The following PKD2 variants were observed in gnomAD, a reference collection of about 807,000 sequenced individuals.
PKD2 encodes polycystin 2, transient receptor potential cation channel, also known as polycystin-2.
A neutral mutation model predicts 105.9 loss-of-function variants in PKD2; 48 were observed. The ratio of observed to expected loss-of-function variants is 0.45; its 90% CI spans 0.36 to 0.58. The LOEUF (loss-of-function observed/expected upper bound fraction) is 0.58. PKD2 is among the 20% of genes least tolerant of loss of function. PKD2 has a pLI of 0.00. For synonymous variants in PKD2, 464 were observed against 481.1 expected, an observed-to-expected ratio of 0.96 and a Z score of 0.46; for missense variants, 1,078 against 1,255.3, an observed-to-expected ratio of 0.86 and a Z score of 2.13.
intron 2 of PKD2, among the ~76,000 whole-genome samples, chr4:88,026,824 T>C (rs1726975237): frequency 6.6e-6 from 1 of 152,180 alleles, no homozygotes; most frequent in African/African-American, 2.4e-5. Flanking sequence ...CCACTCCAGC[T>C]CCAGCTGTGG....
At chr4:88,070,601 T>TAG (rs1223785807) in intron 13 of PKD2, among the ~76,000 whole-genome samples, 1,005 of 91,426 alleles carry the variant, frequency 0.011, 9 homozygotes, top group East Asian at 0.045. Context: ...TATATATATA[T>TAG]AGAGAGAGAG....
chr4:88,057,561 G>A (rs887553569), intron 8 of PKD2, among the ~76,000 whole-genome samples: 3 of 150,520 alleles, frequency 2.0e-5, no homozygotes, highest in South Asian at 2.1e-4. Context: ...TCAGCCTCCC[G>A]AATAGCTGAG....
intron 9 of PKD2, among the ~76,000 whole-genome samples, chr4:88,059,066 C>T (rs1410874373): frequency 1.3e-5 from 2 of 152,002 alleles, no homozygotes; most frequent in Non-Finnish European, 1.5e-5. Context: ...TAAAGTCAGT[C>T]CAGGTATTAC....
At chr4:88,028,327 G>A (rs972192192) in intron 2 of PKD2, among the ~76,000 whole-genome samples, 8 of 152,248 alleles carry the variant, frequency 5.3e-5, no homozygotes, top group African/African-American at 1.9e-4. Flanking sequence ...AGGTCAGTGA[G>A]TTAATCTCAC....
At position 88,019,358 on chromosome 4, in the gene PKD2, T is replaced by C. The variant is rs1242424279; in HGVS notation, c.596-100T>C. 13 of 699,982 alleles carry C rather than the reference T, an allele frequency of 1.9e-5. No homozygotes were observed. The Admixed American group carries it at 3.0e-4, about 16-fold the overall frequency. 43.4% of individuals were successfully genotyped at this position (699,982 alleles called of 1,614,324 possible). On this transcript the variant is annotated intron_variant, in intron 1 of 14. Transcript: ENST00000237596. ...AAAAAAAAAAGGAGAATCTCCCTTA[T>C]AGGTGAACTTTTTAATTTGTGCTTT... is the stretch of plus-strand genomic sequence containing the variant.
Position 88,046,874 on chromosome 4 carries a change from G to C in PKD2, c.1548+4G>C. On this transcript the variant is annotated splice_donor_region_variant and intron_variant, in intron 6 of 14. Coordinates refer to ENST00000237596, the MANE Select transcript of PKD2 (RefSeq NM_000297.4). The stretch of plus-strand genomic sequence containing the variant: ...TCTGGATGTTGTGATCGTTGTGGTA[G>C]GTTTGAGAACAACACCAAATTTCCT... 1 of 1,551,976 alleles carries C rather than the reference G, an allele frequency of 6.4e-7. No individual in the cohort carries two copies. The highest frequency in any genetic ancestry group is 8.9e-7 in the Non-Finnish European group (1 of 1,123,440).
At chr4:88,023,030 A>G (rs1211124360) in intron 2 of PKD2, among the ~76,000 whole-genome samples, 1 of 152,218 alleles carries the variant, frequency 6.6e-6, no homozygotes, top group Non-Finnish European at 1.5e-5. Context: ...GCAGTGAGCC[A>G]TGATTGCAAC....
At chr4:88,025,239 A>G (rs7690969) in intron 2 of PKD2, among the ~76,000 whole-genome samples, 44,281 of 151,868 alleles carry the variant, frequency 0.29, 7,123 homozygotes, top group African/African-American at 0.42. Context: ...GAGAGGATCA[A>G]TTGAGGCCAG....
intron 2 of PKD2, among the ~76,000 whole-genome samples, chr4:88,019,777 G>T (rs1726685553): frequency 6.6e-6 from 1 of 152,126 alleles, no homozygotes; most frequent in Admixed American, 6.5e-5. Flanking sequence ...TAAGAGAAGG[G>T]ACGTGATTTG....
intron 7 of PKD2, among the ~76,000 whole-genome samples, chr4:88,052,578 T>C (rs975419808): frequency 3.3e-5 from 5 of 152,202 alleles, no homozygotes; most frequent in African/African-American, 1.2e-4. Context: ...CCTCATATTT[T>C]ACATATAAAG....
chr4:88,036,103 T>A, intron 2 of PKD2, 117 bp from the exon 3 acceptor site: 2 of 1,506,308 alleles, frequency 1.3e-6, no homozygotes, highest in Admixed American at 3.3e-5. Context: ...AGAGAAGACC[T>A]TGTGTGAATT....
rs145297759 is a variant in PKD2 at position 88,052,059 on chromosome 4, G to A, written c.1617G>A (p.Leu539=). 14 of 1,601,960 alleles carry A rather than the reference G, an allele frequency of 8.7e-6. No individual in the cohort carries two copies. In the Admixed American group the frequency reaches 1.3e-4, roughly 15 times the overall value. ...TSNVEVLLQF[L]EDQNTFPNFE... ...ATGTGGAGGTGCTACTACAGTTTCTGGAAGATCAAAATACTTTCCCCAACT... is the reference window on the plus strand; with the variant it reads ...ATGTGGAGGTGCTACTACAGTTTCTAGAAGATCAAAATACTTTCCCCAACT... Residue 539 remains leucine, a synonymous_variant, in exon 7 of 15, where the codon CTG becomes CTA. Transcript: ENST00000237596.
At chr4:88,060,048 G>C (rs1720513197) in intron 9 of PKD2, among the ~76,000 whole-genome samples, 2 of 152,092 alleles carry the variant, frequency 1.3e-5, no homozygotes, top group Non-Finnish European at 2.9e-5. Flanking sequence ...TGGAGAGGAG[G>C]GTGAGCTAGC....
chr4:88,008,470 C>T (rs1320755940), intron 1 of PKD2, 142 bp downstream of exon 1: 3 of 1,090,368 alleles, frequency 2.8e-6, no homozygotes, highest in South Asian at 2.0e-5. Context: ...GCATTCCCCA[C>T]CTCCGCTAGT....
intron 5 of PKD2, among the ~76,000 whole-genome samples, chr4:88,044,586 T>C (rs1033734341): frequency 6.6e-6 from 1 of 152,224 alleles, no homozygotes; most frequent in Non-Finnish European, 1.5e-5. Context: ...GGTTTTGGAA[T>C]GTCTGCATAT....
In PKD2 at chr4:88,061,962, A is replaced by G. The variant is rs755295879; in HGVS notation, c.2076A>G (p.Ala692=). Residue 692 remains alanine, a synonymous_variant, in exon 10 of 15, where the codon GCA becomes GCG. Transcript: ENST00000237596. ...DTYSEVKSDL[A]QQKAEMELSD... is the part of the protein sequence containing the mutation. Reference sequence around the variant, plus strand: ...ACTCTGAAGTGAAATCTGACTTGGCACAGCAGAAAGCTGAAATGGAACTCT... The same window carrying G: ...ACTCTGAAGTGAAATCTGACTTGGCGCAGCAGAAAGCTGAAATGGAACTCT... The G allele has an allele frequency of 3.8e-6, 6 of 1,585,390 alleles. No homozygotes were observed. Among genetic ancestry groups the G allele is most frequent in the East Asian group, 2.2e-5 (1 of 44,578 alleles).
chr4:88,075,090 A>T, intron 14 of PKD2, 131 bp downstream of exon 14: 1 of 951,998 alleles, frequency 1.1e-6, no homozygotes, highest in East Asian at 2.6e-5. Flanking sequence ...ATTCACAATG[A>T]TGTTTCCATT....
chr4:88,019,355 T>C (rs1218575561), intron 1 of PKD2, 103 bp from the exon 2 acceptor site: 2 of 697,832 alleles, frequency 2.9e-6, no homozygotes, highest in Non-Finnish European at 5.1e-6. Flanking sequence ...AGAATCTCCC[T>C]TATAGGTGAA....
At chr4:88,071,213 A>C (rs1208313815) in intron 13 of PKD2, among the ~76,000 whole-genome samples, 1 of 151,250 alleles carries the variant, frequency 6.6e-6, no homozygotes, top group Non-Finnish European at 1.5e-5. Flanking sequence ...GAGCCACTGT[A>C]CCCAGCTAAT....
Sources: allele counts gnomAD v4.1 joint callset (sites outside exome capture counted in the v4.1 genomes callset), GRCh38; gene constraint gnomAD v4.1.1; transcripts MANE v1.5; gene names NCBI Gene and HGNC (gene_info 2026-07-23, HGNC 2026-07-21).